SH2D1B: variants seen among roughly 807,000 people sequenced by gnomAD.
The protein encoded by SH2D1B is SH2 domain containing 1B, also known as SH2 domain-containing protein 1B.
In SH2D1B, 11 loss-of-function variants were observed where a neutral mutation model predicts 16.3. The ratio of observed to expected loss-of-function variants is 0.67; its 90% CI spans 0.42 to 1.11. The LOEUF is 1.11. Among genes scored for constraint, SH2D1B ranks in the 50% most tolerant of loss-of-function variants. The pLI is 0.00. For missense variants in SH2D1B, 123 were observed against 153.1 expected (o/e 0.80, Z 1.04); for synonymous variants, 55 against 56.1 (o/e 0.98, Z 0.09).
At chr1:162,401,547 A>C (rs1648517717) in intron 2 of SH2D1B, among the ~76,000 whole-genome samples, 1 of 152,178 alleles carries the variant, frequency 6.6e-6, no homozygotes, top group Non-Finnish European at 1.5e-5. Flanking sequence ...TTCAAAGTTA[A>C]TTTGCAGACA....
rs1178327913 is a variant in SH2D1B, at chr1:162,396,194, T to TAAGTC, written c.*1081_*1085dup. ...CTCCTCTCTTTTAAAACTCTGAAGA[T>TAAGTC]AAGTCCAGTGGGGTGAAATACATTA... On this transcript the variant is annotated 3_prime_UTR_variant, in exon 4 of 4. Transcript: ENST00000367929. 6.6e-6 allele frequency: 1 copy of TAAGTC among 152,180 alleles called. No homozygotes were observed. Among genetic ancestry groups the TAAGTC allele is most frequent in the African/African-American group, 2.4e-5 (1 of 41,440 alleles). The allele number at this position is 152,180 out of a possible 1,614,324, so 9.4% of individuals were successfully genotyped here.
At chr1:162,410,275 C>T (rs164134) in intron 1 of SH2D1B, among the ~76,000 whole-genome samples, 45,005 of 152,032 alleles carry the variant, frequency 0.3, 6,883 homozygotes, top group East Asian at 0.43. Context: ...TTCTGTCTAC[C>T]GACAGCCACA....
rs1409857793 is a variant in SH2D1B, at chr1:162,396,333, A to T, written c.*947T>A. On this transcript the variant is annotated 3_prime_UTR_variant, in exon 4 of 4. Transcript: ENST00000367929. Reference sequence around the variant, plus strand: ...AAAAATTCAGCAAATCAATTTCAGTAAACCTTAAAAACCAATTCAACAAAC... The same window carrying T: ...AAAAATTCAGCAAATCAATTTCAGTTAACCTTAAAAACCAATTCAACAAAC... 1 of 152,214 alleles carries T rather than the reference A, an allele frequency of 6.6e-6. No homozygotes were observed. Among genetic ancestry groups the T allele is most frequent in the Non-Finnish European group, 1.5e-5 (1 of 68,050 alleles). The allele number at this position is 152,214 out of a possible 1,614,324, so 9.4% of individuals were successfully genotyped here.
chr1:162,402,724 C>G lies in SH2D1B; in HGVS notation c.198+15G>C. 6.2e-7 allele frequency: 1 copy of G among 1,608,528 alleles called. No individual in the cohort carries two copies. Among genetic ancestry groups the G allele is most frequent in the Middle Eastern group, 1.7e-4 (1 of 6,048 alleles). ...ACTTTTGTGTTGTTGTTGTTGTCGT[C>G]CTTTTTGTTCTTACCTGTATCCTGT... is the stretch of plus-strand genomic sequence containing the variant. On this transcript the variant is annotated intron_variant, in intron 2 of 3. Coordinates refer to ENST00000367929, the MANE Select transcript of SH2D1B (RefSeq NM_053282.5).
At chr1:162,401,711 A>G (rs1648521447) in intron 2 of SH2D1B, among the ~76,000 whole-genome samples, 1 of 152,154 alleles carries the variant, frequency 6.6e-6, no homozygotes, top group African/African-American at 2.4e-5. Flanking sequence ...CAACTGCCTC[A>G]ATAATGTCCT....
rs1186318722 is a variant in SH2D1B at position 162,396,850 on chromosome 1, G to A, written c.*430C>T. 6.3e-6 allele frequency: 1 copy of A among 158,342 alleles called. No individual in the cohort carries two copies. The highest frequency in any genetic ancestry group is 6.3e-5 in the Admixed American group (1 of 15,886). The allele number at this position is 158,342 out of a possible 1,614,324, so 9.8% of individuals were successfully genotyped here. A position where few individuals can be genotyped will look rare whatever the true frequency, so the allele number is the denominator to read the frequency against. On this transcript the variant is annotated 3_prime_UTR_variant, in exon 4 of 4. Coordinates refer to ENST00000367929, the MANE Select transcript of SH2D1B (RefSeq NM_053282.5). Reference sequence around the variant, plus strand: ...ACAGAGACAAAGAAACTAAGACCTGGAGATGGGCAGAAACGTGTTCAAAGT... The same window carrying A: ...ACAGAGACAAAGAAACTAAGACCTGAAGATGGGCAGAAACGTGTTCAAAGT...
Position 162,396,442 on chromosome 1 carries a change from T to C in SH2D1B, c.*838A>G, listed in dbSNP as rs756657010. Reference sequence around the variant, plus strand: ...ACAAATTTCTACACACTGTGGAAGATACAAGGGAGACCCAACCGTGCTTTG... The same window carrying C: ...ACAAATTTCTACACACTGTGGAAGACACAAGGGAGACCCAACCGTGCTTTG... On this transcript the variant is annotated 3_prime_UTR_variant, in exon 4 of 4. Transcript: ENST00000367929. The C allele has an allele frequency of 1.3e-5, 2 of 152,218 alleles. No homozygotes were observed. The highest frequency in any genetic ancestry group is 6.5e-5 in the Admixed American group (1 of 15,284). 9.4% of individuals were successfully genotyped at this position (152,218 alleles called of 1,614,324 possible). A position where few individuals can be genotyped will look rare whatever the true frequency, so the allele number is the denominator to read the frequency against.
intron 1 of SH2D1B, among the ~76,000 whole-genome samples, chr1:162,405,446 A>G (rs903303033): frequency 3.9e-5 from 6 of 152,228 alleles, no homozygotes; most frequent in South Asian, 2.1e-4. Context: ...GCAGTAAGAC[A>G]TATTCATGGC....
rs750818559 is a variant in SH2D1B at position 162,399,123 on chromosome 1, A to G, written c.199-36T>C. 7 of 1,576,018 alleles carry G rather than the reference A, an allele frequency of 4.4e-6. No homozygotes were observed. In the South Asian group the frequency reaches 8.1e-5, roughly 18 times the overall value. ...ACAAGAAAGGAAATCACTCATTATC[A>G]TGCAATTGCGTGTGAAATGTGACAC... is the stretch of plus-strand genomic sequence containing the variant. On this transcript the variant is annotated intron_variant, in intron 2 of 3. Transcript: ENST00000367929.
At chr1:162,403,687 T>A (rs1648585364) in intron 1 of SH2D1B, among the ~76,000 whole-genome samples, 1 of 119,904 alleles carries the variant, frequency 8.3e-6, no homozygotes, top group African/African-American at 3.4e-5. Context: ...GATTAATAGA[T>A]GAATGAAGAA....
At chr1:162,409,117 A>G (rs1244976954) in intron 1 of SH2D1B, among the ~76,000 whole-genome samples, 1 of 151,640 alleles carries the variant, frequency 6.6e-6, no homozygotes, top group East Asian at 1.9e-4. Flanking sequence ...TAAAAAAAAA[A>G]AAAAGAAAGA....
chr1:162,402,723 T>C lies in SH2D1B; in HGVS notation c.198+16A>G. The C allele has an allele frequency of 1.2e-6, 2 of 1,607,620 alleles. No individual in the cohort carries two copies. Among genetic ancestry groups the C allele is most frequent in the Non-Finnish European group, 1.7e-6 (2 of 1,174,210 alleles). On this transcript the variant is annotated intron_variant, in intron 2 of 3. Transcript: ENST00000367929. ...AACTTTTGTGTTGTTGTTGTTGTCG[T>C]CCTTTTTGTTCTTACCTGTATCCTG...
Position 162,402,911 on chromosome 1 carries a change from C to CTTT in SH2D1B, c.135-110_135-109insAAA. ...TTGTTAATCTACAATCCTAAAAAAA[C>CTTT]TCTTTTTTTTTTTCTGGGACGGAAT... On this transcript the variant is annotated intron_variant, in intron 1 of 3. Coordinates refer to ENST00000367929, the MANE Select transcript of SH2D1B (RefSeq NM_053282.5). 28 of 885,996 alleles carry CTTT rather than the reference C, an allele frequency of 3.2e-5. 1 individual carries two copies. Among genetic ancestry groups the CTTT allele is most frequent in the Non-Finnish European group, 4.4e-5 (25 of 562,756 alleles). The allele number at this position is 885,996 out of a possible 1,614,324, so 54.9% of individuals were successfully genotyped here.
intron 1 of SH2D1B, among the ~76,000 whole-genome samples, chr1:162,405,821 T>C (rs1011013813): frequency 6.6e-6 from 1 of 152,168 alleles, no homozygotes; most frequent in African/African-American, 2.4e-5. Flanking sequence ...TTTTACTCTA[T>C]CTATTTAGCT....
rs891971003 is a variant in SH2D1B, at chr1:162,396,193, A to G, written c.*1087T>C. 6.6e-6 allele frequency: 1 copy of G among 152,242 alleles called. No homozygotes were observed. Among genetic ancestry groups the G allele is most frequent in the African/African-American group, 2.4e-5 (1 of 41,468 alleles). 9.4% of individuals were successfully genotyped at this position (152,242 alleles called of 1,614,324 possible). A position where few individuals can be genotyped will look rare whatever the true frequency, so the allele number is the denominator to read the frequency against. ...GCTCCTCTCTTTTAAAACTCTGAAG[A>G]TAAGTCCAGTGGGGTGAAATACATT... On this transcript the variant is annotated 3_prime_UTR_variant, in exon 4 of 4. Coordinates refer to ENST00000367929, the MANE Select transcript of SH2D1B (RefSeq NM_053282.5).
intron 2 of SH2D1B, chr1:162,402,342 C>G (rs1235662096): frequency 6.3e-6 from 1 of 157,822 alleles, no homozygotes; most frequent in South Asian, 1.9e-4. Flanking sequence ...GAAAACCCTT[C>G]TCTACTGAAA....
At chr1:162,405,533 G>T (rs1648634289) in intron 1 of SH2D1B, among the ~76,000 whole-genome samples, 1 of 152,018 alleles carries the variant, frequency 6.6e-6, no homozygotes, top group South Asian at 2.1e-4. Flanking sequence ...ATGTGCTTTT[G>T]CTGTTTTCAT....
Position 162,404,335 on chromosome 1 carries a change from C to CA in SH2D1B, c.135-1534dup, listed in dbSNP as rs1257140841. 6.6e-5 allele frequency among the ~76,000 whole-genome samples: 10 copies of CA among 150,726 alleles called. No homozygotes were observed. The East Asian group carries it at 1.9e-3, about 29-fold the overall frequency. On this transcript the variant is annotated intron_variant, in intron 1 of 3. Transcript: ENST00000367929. ...TGGGTGACAGAGTGAGACTCCATCTCAAAAAAAATAAAATAAAATAATAAC... is the reference window on the plus strand; with the variant it reads ...TGGGTGACAGAGTGAGACTCCATCTCAAAAAAAAATAAAATAAAATAATAAC...
chr1:162,408,511 C>A (rs984345070), intron 1 of SH2D1B, among the ~76,000 whole-genome samples: 61 of 148,668 alleles, frequency 4.1e-4, no homozygotes, highest in South Asian at 1.3e-3. Context: ...CTCCTGGGTT[C>A]AAGCAATTCT....
Sources: allele counts gnomAD v4.1 joint callset (sites outside exome capture counted in the v4.1 genomes callset), GRCh38; gene constraint gnomAD v4.1.1; transcripts MANE v1.5; gene names NCBI Gene and HGNC (gene_info 2026-07-23, HGNC 2026-07-21).